SI: variants seen among roughly 807,000 people sequenced by gnomAD.
The protein encoded by SI is sucrase-isomaltase, also known as sucrase-isomaltase, intestinal.
A neutral mutation model predicts 253.3 loss-of-function variants in SI; 235 were observed. That is an observed-to-expected ratio of 0.93 (90% CI 0.83 to 1.03). SI has a LOEUF of 1.03. Among genes scored for constraint, SI ranks in the 50% least tolerant of loss-of-function variants. The pLI is 0.00. For missense variants in SI, 2,442 were observed against 2,211.1 expected (o/e 1.10, Z -2.09); for synonymous variants, 819 against 712.0 (o/e 1.15, Z -2.39).
intron 1 of SI, 134 bp from the exon 2 acceptor site, chr3:165,076,146 A>G (rs913222096): frequency 1.9e-5 from 11 of 577,048 alleles, no homozygotes; most frequent in Non-Finnish European, 3.0e-5. Context: ...CTTACATAAT[A>G]TCCTAAATTA....
intron 3 of SI, among the ~76,000 whole-genome samples, chr3:165,071,234 G>A (rs1464079920): frequency 6.6e-6 from 1 of 151,920 alleles, no homozygotes; most frequent in Non-Finnish European, 1.5e-5. Flanking sequence ...AATTAAAAAT[G>A]TATCTCCCTG....
chr3:165,017,551 G>T lies in SI; in HGVS notation c.3756C>A (p.Pro1252=). 6.2e-7 allele frequency: 1 copy of T among 1,610,982 alleles called. No homozygotes were observed. The highest frequency in any genetic ancestry group is 8.5e-7 in the Non-Finnish European group (1 of 1,177,820). The change falls in exon 31 of 48, where the codon CCC becomes CCA. Residue 1252 remains proline (P), a synonymous_variant. Coordinates refer to ENST00000264382, the MANE Select transcript of SI (RefSeq NM_001041.4). The part of the protein sequence containing the change: ...LYDAMVAANI[P]YDVQYTDIDY... ...GTTTTAAAATTGATATACATACATA[G>T]GGGATGTTAGCAGCCACCATAGCGT... is the stretch of plus-strand genomic sequence containing the variant.
chr3:165,066,005 A>G (rs1177563147), intron 6 of SI, among the ~76,000 whole-genome samples: 1 of 151,884 alleles, frequency 6.6e-6, no homozygotes, highest in African/African-American at 2.4e-5. Context: ...TCAGCCCTCC[A>G]TATCTGTGAG....
chr3:165,066,430 C>A (rs868839216), intron 6 of SI, among the ~76,000 whole-genome samples: 7 of 151,838 alleles, frequency 4.6e-5, no homozygotes, highest in Non-Finnish European at 8.8e-5. Flanking sequence ...ACACCACATA[C>A]TTTTTACCGC....
At position 165,023,611 on chromosome 3, in the gene SI, C is replaced by T; in HGVS notation, c.3058G>A (p.Val1020Met). The T allele has an allele frequency of 3.7e-6, 6 of 1,610,756 alleles. No homozygotes were observed. Among genetic ancestry groups the T allele is most frequent in the African/African-American group, 1.3e-5 (1 of 74,774 alleles). ...LPSDPISTLR[V>M]EVKYHKNDML... ...TCATTTTTGTGATATTTCACCTCCA[C>T]ACGAAGAGTTGAGATGGGGTCAGAA... Residue 1020 changes from valine to methionine, a missense_variant, in exon 26 of 48, where the codon GTG (valine) becomes ATG (methionine). Transcript: ENST00000264382.
At chr3:165,049,036 C>T in intron 15 of SI, 91 bp downstream of exon 15, 6 of 816,748 alleles carry the variant, frequency 7.3e-6, no homozygotes, top group South Asian at 6.9e-5. Flanking sequence ...TTCAACTTTG[C>T]TATTTCCTAA....
At chr3:165,008,582 A>G (rs1232869746) in intron 35 of SI, among the ~76,000 whole-genome samples, 1 of 152,052 alleles carries the variant, frequency 6.6e-6, no homozygotes, top group Admixed American at 6.6e-5. Context: ...TGGTATACCA[A>G]TTGCTACATC....
chr3:165,059,439 A>T, intron 10 of SI, 140 bp from the exon 11 acceptor site: 1 of 842,568 alleles, frequency 1.2e-6, no homozygotes, highest in Non-Finnish European at 1.9e-6. Context: ...ATTTCACTAA[A>T]GAAGCAATTG....
upstream of SI, among the ~76,000 whole-genome samples, chr3:165,080,485 A>G (rs1017093094): frequency 6.6e-6 from 1 of 152,072 alleles, no homozygotes; most frequent in Non-Finnish European, 1.5e-5. Context: ...CACAATAGCA[A>G]AGACTTGGAA....
intron 27 of SI, among the ~76,000 whole-genome samples, chr3:165,020,389 C>A (rs182714035): frequency 1.3e-5 from 2 of 151,640 alleles, no homozygotes; most frequent in Admixed American, 1.3e-4. Context: ...GGAGAGGAAG[C>A]GTAAGTATTA....
At chr3:165,002,707 T>A (rs376552911) in intron 37 of SI, among the ~76,000 whole-genome samples, 2 of 151,902 alleles carry the variant, frequency 1.3e-5, no homozygotes, top group East Asian at 1.9e-4. Flanking sequence ...AAGGTCTTTA[T>A]ACATGTAATT....
the SI span, among the ~76,000 whole-genome samples, chr3:165,084,308 A>G: frequency 2.6e-5 from 4 of 152,004 alleles, no homozygotes; most frequent in African/African-American, 9.7e-5. Flanking sequence ...TTGTTTACAA[A>G]CCACCAAGTT....
upstream of SI, chr3:165,078,535 A>C (rs984536778): frequency 6.6e-5 from 10 of 151,992 alleles, no homozygotes; most frequent in Non-Finnish European, 1.2e-4. Flanking sequence ...TGACCTACTC[A>C]TAAAGTTTTA....
In SI at chr3:164,994,385, C is replaced by G; in HGVS notation, c.4713G>C (p.Trp1571Cys). ...TTGACATTTCAGCAAAAGTTTCATT[C>G]CAGGAAGCGGGATCTTGTCTCTGAA... ...ANTRRQDPAS[W>C]NETFAEMSRN... Residue 1571 changes from tryptophan to cysteine, a missense_variant, in exon 41 of 48, where the codon TGG becomes TGC. Coordinates refer to ENST00000264382, the MANE Select transcript of SI (RefSeq NM_001041.4). 6.2e-7 allele frequency: 1 copy of G among 1,610,778 alleles called. No homozygotes were observed. Among genetic ancestry groups the G allele is most frequent in the South Asian group, 1.1e-5 (1 of 91,022 alleles).
intron 16 of SI, among the ~76,000 whole-genome samples, chr3:165,045,369 T>C (rs934987124): frequency 3.9e-5 from 6 of 152,108 alleles, no homozygotes; most frequent in African/African-American, 1.4e-4. Flanking sequence ...GTCCTACATT[T>C]AGTTTTAATA....
chr3:165,087,490 A>T, the SI span, among the ~76,000 whole-genome samples: 89,007 of 151,864 alleles, frequency 0.59, 26,435 homozygotes, highest in East Asian at 0.81. Context: ...CAAGCCAACC[A>T]TCCTTACAAC....
intron 22 of SI, among the ~76,000 whole-genome samples, chr3:165,035,079 T>A (rs1712464005): frequency 6.6e-6 from 1 of 151,920 alleles, no homozygotes; most frequent in Non-Finnish European, 1.5e-5. Flanking sequence ...TACCATCAAC[T>A]GACAAAGGGA....
rs1020995660 is a variant in SI, at chr3:165,038,017, T to G, written c.2309A>C (p.Lys770Thr). 1.3e-6 allele frequency: 2 copies of G among 1,586,038 alleles called. No homozygotes were observed. Among genetic ancestry groups the G allele is most frequent in the African/African-American group, 2.7e-5 (2 of 74,318 alleles). Residue 770 changes from lysine (K) to threonine (T), a missense_variant, in exon 21 of 48, where the codon AAA (lysine) becomes ACA (threonine). Coordinates refer to ENST00000264382, the MANE Select transcript of SI (RefSeq NM_001041.4). Reference protein sequence around the residue: ...AIWYDYESGAKRPWRKQRVDM... With the variant: ...AIWYDYESGATRPWRKQRVDM... ...AACCCGTTGTTTCCTCCATGGCCTT[T>G]TTGCACCCTAATAATTGGAAGATTA...
In SI at chr3:165,073,871, C is replaced by T. The variant is rs1241864173; in HGVS notation, c.255+660G>A. Among the ~76,000 whole-genome samples, 5 of 152,030 alleles carry T rather than the reference C, an allele frequency of 3.3e-5. No homozygotes were observed. The East Asian group carries it at 7.8e-4, about 24-fold the overall frequency. On this transcript the variant is annotated intron_variant, in intron 3 of 47. Coordinates refer to ENST00000264382, the MANE Select transcript of SI (RefSeq NM_001041.4). ...TGCATAGGTTATATGCAAATACTGC[C>T]ATTTTATTTGAGAGATTTGAACATC...
Sources: gnomAD v4.1 joint callset for allele counts (sites outside exome capture counted in the v4.1 genomes callset) on GRCh38, gnomAD v4.1.1 for gene constraint, MANE v1.5 for transcripts, NCBI Gene and HGNC (gene_info 2026-07-23, HGNC 2026-07-21) for gene names.